Variants in CKMT1B observed in about 807,000 individuals in gnomAD.
The protein encoded by CKMT1B is creatine kinase U-type, mitochondrial.
In CKMT1B, 13 loss-of-function variants were observed where a neutral mutation model predicts 21.8. The ratio of observed to expected loss-of-function variants is 0.60; its 90% CI spans 0.39 to 0.95. The LOEUF (loss-of-function observed/expected upper bound fraction) is 0.95, where lower values mean the gene tolerates loss of function less well. Ranked by LOEUF, CKMT1B falls within the 40% of genes least tolerant of loss-of-function variation. The pLI, the probability that CKMT1B is intolerant of heterozygous loss-of-function variation, is 0.00. For synonymous variants in CKMT1B, 50 were observed against 80.3 expected, an observed-to-expected ratio of 0.62 and a Z score of 2.02; for missense variants, 157 against 227.5, an observed-to-expected ratio of 0.69 and a Z score of 1.99.
chr15:43,599,163 C>T lies in CKMT1B; in HGVS notation c.1144C>T (p.Leu382=), dbSNP rs777486588. The change falls in exon 9 of 9, where the codon CTG becomes TTG. Residue 382 remains leucine, a synonymous_variant. Coordinates refer to ENST00000441322, the MANE Select transcript of CKMT1B (RefSeq NM_001375484.1). Reference sequence around the variant, plus strand: ...AAAGATTAGTGTCCCTTAGGTGGAGCTGGTGCAACTGGTCATCGATGGAGT... The same window carrying T: ...AAAGATTAGTGTCCCTTAGGTGGAGTTGGTGCAACTGGTCATCGATGGAGT... The part of the protein sequence containing the change: ...LDRLGKSEVE[L]VQLVIDGVNY... 3.1e-6 allele frequency: 5 copies of T among 1,613,662 alleles called. No homozygotes were observed. Among genetic ancestry groups the T allele is most frequent in the Non-Finnish European group, 4.2e-6 (5 of 1,179,860 alleles).
In CKMT1B at chr15:43,599,314, C is replaced by G. The variant is rs2439; in HGVS notation, c.*41C>G. On this transcript the variant is annotated 3_prime_UTR_variant, in exon 9 of 9. Coordinates refer to ENST00000441322, the MANE Select transcript of CKMT1B (RefSeq NM_001375484.1). Reference sequence around the variant, plus strand: ...TGATGACTCAAGATTCCCAGGAGTTCTGCTCATTCTAATGATGGCCCATTC... The same window carrying G: ...TGATGACTCAAGATTCCCAGGAGTTGTGCTCATTCTAATGATGGCCCATTC... 3.1e-6 allele frequency: 5 copies of G among 1,613,048 alleles called. No homozygotes were observed. Among genetic ancestry groups the G allele is most frequent in the Middle Eastern group, 1.7e-4 (1 of 6,052 alleles).
chr15:43,597,144 G>C (rs1392906348), intron 6 of CKMT1B, among the ~76,000 whole-genome samples: 1 of 140,640 alleles, frequency 7.1e-6, no homozygotes, highest in Non-Finnish European at 1.5e-5. Context: ...GTCTACATTA[G>C]AAATCCCCAT....
At position 43,596,460 on chromosome 15, in the gene CKMT1B, C is replaced by T. The variant is rs749828844; in HGVS notation, c.805C>T (p.Arg269Trp). Residue 269 changes from arginine to tryptophan, a missense_variant, in exon 6 of 9, where the codon CGG (arginine) becomes TGG (tryptophan). By Grantham distance (101) the Arg-to-Trp change is moderately radical (BLOSUM62 -3). Transcript: ENST00000441322. ...LIWVNEEDHTRVISMEKGGNM... is the reference protein window; with the variant it reads ...LIWVNEEDHTWVISMEKGGNM... ...CTGGGTGAATGAGGAGGATCATACA[C>T]GGGTGATCTCCATGGAGAAGGGTGG... 2.9e-5 allele frequency: 47 copies of T among 1,595,962 alleles called. No homozygotes were observed. Among genetic ancestry groups the T allele is most frequent in the Admixed American group, 8.4e-5 (5 of 59,490 alleles).
Position 43,597,922 on chromosome 15 carries a change from T to A in CKMT1B, c.877-271T>A, listed in dbSNP as rs1195688731. The A allele has an allele frequency of 2.7e-5, 36 of 1,349,132 alleles. 2 individuals are homozygous for A. The highest frequency in any genetic ancestry group is 3.4e-5 in the Non-Finnish European group (36 of 1,053,040). 83.6% of individuals were successfully genotyped at this position (1,349,132 alleles called of 1,614,324 possible). A position where few individuals can be genotyped will look rare whatever the true frequency, so the allele number is the denominator to read the frequency against. Reference sequence around the variant, plus strand: ...TACCACCTCTGTTCATTTCCCTAGATCATCCTTAATACACCACTCCTTCGA... The same window carrying A: ...TACCACCTCTGTTCATTTCCCTAGAACATCCTTAATACACCACTCCTTCGA... On this transcript the variant is annotated intron_variant, in intron 6 of 8. Transcript: ENST00000441322.
chr15:43,597,663 C>T (rs975714732), intron 6 of CKMT1B: 2 of 932,570 alleles, frequency 2.1e-6, no homozygotes, highest in African/African-American at 3.9e-5. Flanking sequence ...AACGCCTTCC[C>T]CCCGCCCCCT....
Position 43,596,206 on chromosome 15 carries a change from G to C in CKMT1B, c.667-1G>C, listed in dbSNP as rs2085564442. ...AACCCAAGTCCCGTTACTCTTCCCA[G>C]GACCACTTTCTGTTTGATAAGCCTG... is the stretch of plus-strand genomic sequence containing the variant. On this transcript the variant is annotated splice_acceptor_variant, in intron 4 of 8. Transcript: ENST00000441322. LOFTEE classifies it high-confidence loss of function. 3 of 490,422 alleles carry C rather than the reference G, an allele frequency of 6.1e-6. No individual in the cohort carries two copies. The highest frequency in any genetic ancestry group is 1.0e-5 in the Non-Finnish European group (3 of 301,218). The allele number at this position is 490,422 out of a possible 1,614,324, so 30.4% of individuals were successfully genotyped here.
chr15:43,598,692 A>G lies in CKMT1B; in HGVS notation c.1012-135A>G, dbSNP rs183676883. The stretch of plus-strand genomic sequence containing the variant: ...TGACAGAGAGAGACCCTGTCTAAAA[A>G]AAATTAAAAAAGAAAAAAGAAAAAA... On this transcript the variant is annotated intron_variant, in intron 7 of 8. Coordinates refer to ENST00000441322, the MANE Select transcript of CKMT1B (RefSeq NM_001375484.1). 3.7e-3 allele frequency: 4,877 copies of G among 1,325,834 alleles called. 57 individuals carry two copies. The highest frequency in any genetic ancestry group is 7.0e-3 in the Middle Eastern group (25 of 3,584). The allele number at this position is 1,325,834 out of a possible 1,614,324, so 82.1% of individuals were successfully genotyped here. A position where few individuals can be genotyped will look rare whatever the true frequency, so the allele number is the denominator to read the frequency against.
In CKMT1B at chr15:43,599,142, A is replaced by C. The variant is rs758460230; in HGVS notation, c.1138-15A>C. 7 of 1,613,542 alleles carry C rather than the reference A, an allele frequency of 4.3e-6. No homozygotes were observed. The Admixed American group carries it at 1.2e-4, about 27-fold the overall frequency. On this transcript the variant is annotated splice_polypyrimidine_tract_variant and intron_variant, in intron 8 of 8. Coordinates refer to ENST00000441322, the MANE Select transcript of CKMT1B (RefSeq NM_001375484.1). ...TCAGACTGTAGGAAGCAGATCAAAG[A>C]TTAGTGTCCCTTAGGTGGAGCTGGT...
chr15:43,597,655 C>T (rs1315210633), intron 6 of CKMT1B: 37 of 902,672 alleles, frequency 4.1e-5, no homozygotes, highest in Non-Finnish European at 4.7e-5. Flanking sequence ...TGAAGCCAAA[C>T]GCCTTCCCCC....
intron 6 of CKMT1B, 99 bp downstream of exon 6, chr15:43,596,630 T>C: frequency 6.4e-7 from 1 of 1,573,204 alleles, no homozygotes; most frequent in Non-Finnish European, 8.6e-7. Context: ...ACCCAGGACA[T>C]GTCTTATAGT....
rs569317565 is a variant in CKMT1B, at chr15:43,596,193, G to A, written c.667-14G>A. The stretch of plus-strand genomic sequence containing the variant: ...CATGAAGATTCTTAACCCAAGTCCC[G>A]TTACTCTTCCCAGGACCACTTTCTG... On this transcript the variant is annotated splice_polypyrimidine_tract_variant and intron_variant, in intron 4 of 8. Coordinates refer to ENST00000441322, the MANE Select transcript of CKMT1B (RefSeq NM_001375484.1). 8 of 459,898 alleles carry A rather than the reference G, an allele frequency of 1.7e-5. No homozygotes were observed. The highest frequency in any genetic ancestry group is 4.9e-4 in the Middle Eastern group (1 of 2,048). 28.5% of individuals were successfully genotyped at this position (459,898 alleles called of 1,614,324 possible).
rs183438908 is a variant in CKMT1B at position 43,597,666 on chromosome 15, C to A, written c.877-527C>A. 223 of 937,522 alleles carry A rather than the reference C, an allele frequency of 2.4e-4. 5 individuals are homozygous for A. In the South Asian group the frequency reaches 4.6e-3, roughly 19 times the overall value. 58.1% of individuals were successfully genotyped at this position (937,522 alleles called of 1,614,324 possible). ...TAAGTGAAGCCAAACGCCTTCCCCC[C>A]GCCCCCTATTCCTATGAATCTGGCT... On this transcript the variant is annotated intron_variant, in intron 6 of 8. Transcript: ENST00000441322.
Position 43,596,717 on chromosome 15 carries a change from G to C in CKMT1B, c.876+186G>C, listed in dbSNP as rs187911665. ...GACCATACTGGGAAAACCAGGACAT[G>C]TGGTCACACTAAGATTAGGAAAAGA... On this transcript the variant is annotated intron_variant, in intron 6 of 8. Coordinates refer to ENST00000441322, the MANE Select transcript of CKMT1B (RefSeq NM_001375484.1). The C allele has an allele frequency of 1.8e-4, 157 of 869,512 alleles. 16 individuals carry two copies. In the African/African-American group the frequency reaches 2.6e-3, roughly 15 times the overall value. The allele number at this position is 869,512 out of a possible 1,614,324, so 53.9% of individuals were successfully genotyped here.
intron 7 of CKMT1B, 124 bp downstream of exon 7, chr15:43,598,451 G>A: frequency 7.2e-7 from 1 of 1,396,498 alleles, no homozygotes; most frequent in Non-Finnish European, 9.8e-7. Context: ...GGACAGGCCA[G>A]GCACAGTGGC....
Position 43,595,923 on chromosome 15 carries a change from G to A in CKMT1B, c.512G>A (p.Arg171Gln), listed in dbSNP as rs1342159589. ...SSRVRTGRSI[R>Q]GLSLPPACTR... is the part of the protein sequence containing the mutation. ...AGAGTCAGAACTGGCCGAAGCATCC[G>A]AGGACTCAGTCTGCCTCCAGCTTGC... Residue 171 changes from arginine (R) to glutamine (Q), a missense_variant, in exon 4 of 9, where the codon CGA becomes CAA. Transcript: ENST00000441322. The A allele has an allele frequency of 1.7e-5, 2 of 119,580 alleles. No homozygotes were observed. The highest frequency in any genetic ancestry group is 4.8e-4 in the African/African-American group (2 of 4,142). The allele number at this position is 119,580 out of a possible 1,614,324, so 7.4% of individuals were successfully genotyped here.
At chr15:43,597,897 T>G in intron 6 of CKMT1B, 1 of 1,305,318 alleles carries the variant, frequency 7.7e-7, no homozygotes, top group Non-Finnish European at 9.7e-7. Flanking sequence ...CAGTTCAGTT[T>G]ACCACCTCTG....
intron 7 of CKMT1B, 107 bp from the exon 8 acceptor site, chr15:43,598,719 GA>G (rs367738721): frequency 4.4e-5 from 62 of 1,414,042 alleles, no homozygotes; most frequent in Middle Eastern, 2.6e-4. Flanking sequence ...AAGAAAAAAG[GA>G]AAAAAAAAGT....
chr15:43,598,435 G>A lies in CKMT1B; in HGVS notation c.1011+108G>A, dbSNP rs1259252572. ...GAGCCAAACATGTTGTGGCTAAAGG[G>A]TCAGAGGACAGGCCAGGCACAGTGG... is the stretch of plus-strand genomic sequence containing the variant. On this transcript the variant is annotated intron_variant, in intron 7 of 8. Coordinates refer to ENST00000441322, the MANE Select transcript of CKMT1B (RefSeq NM_001375484.1). The A allele has an allele frequency of 4.6e-6, 7 of 1,536,420 alleles. 1 individual carries two copies. In the African/African-American group the frequency reaches 7.3e-5, roughly 16 times the overall value.
chr15:43,598,385 G>T, intron 7 of CKMT1B, 58 bp downstream of exon 7: 1 of 1,597,528 alleles, frequency 6.3e-7, no homozygotes. Flanking sequence ...GTTGTGGATG[G>T]GGAGGGAGTG....
Sources: gnomAD v4.1 joint callset for allele counts (sites outside exome capture counted in the v4.1 genomes callset) on GRCh38, gnomAD v4.1.1 for gene constraint, MANE v1.5 for transcripts, NCBI Gene and HGNC (gene_info 2026-07-23, HGNC 2026-07-21) for gene names.